SULF2: variants seen among roughly 807,000 people sequenced by gnomAD.
SULF2 encodes the protein sulfatase 2, also known as extracellular sulfatase Sulf-2.
Under a neutral mutation model 107.7 loss-of-function variants are expected in SULF2, and 52 were observed. That is an observed-to-expected ratio of 0.48 (90% CI 0.39 to 0.61). SULF2 has a LOEUF of 0.61. Ranked by LOEUF, SULF2 falls within the 20% of genes least tolerant of loss-of-function variation. SULF2 has a pLI of 0.00. For missense variants in SULF2, 993 were observed against 1,177.3 expected (o/e 0.84, Z 2.29); for synonymous variants, 460 against 464.3 (o/e 0.99, Z 0.12).
intron 3 of SULF2, among the ~76,000 whole-genome samples, chr20:47,724,801 C>G (rs1303326867): frequency 6.6e-6 from 1 of 152,198 alleles, no homozygotes; most frequent in Non-Finnish European, 1.5e-5. Flanking sequence ...TTGGAGGAAT[C>G]TGACACTACT....
chr20:47,669,093 G>C (rs1027249090), intron 11 of SULF2, among the ~76,000 whole-genome samples: 4 of 152,156 alleles, frequency 2.6e-5, no homozygotes, highest in African/African-American at 9.7e-5. Context: ...GTGGCCCTTT[G>C]TTCACTTGTT....
At chr20:47,747,846 A>G (rs1600640753) in intron 2 of SULF2, among the ~76,000 whole-genome samples, 1 of 149,926 alleles carries the variant, frequency 6.7e-6, no homozygotes. Flanking sequence ...CTCTTCCCTC[A>G]CCCACCCACT....
chr20:47,779,023 T>G (rs1369778660), intron 1 of SULF2, among the ~76,000 whole-genome samples: 1 of 152,094 alleles, frequency 6.6e-6, no homozygotes, highest in Non-Finnish European at 1.5e-5. Flanking sequence ...GGGGTTCATC[T>G]CAAACCCAAC....
At chr20:47,682,547 T>C (rs2087859873) in intron 7 of SULF2, among the ~76,000 whole-genome samples, 1 of 152,168 alleles carries the variant, frequency 6.6e-6, no homozygotes, top group South Asian at 2.1e-4. Flanking sequence ...CCAGGAAGGA[T>C]GGGAGGGAAG....
chr20:47,757,404 G>T lies in SULF2; in HGVS notation c.-41C>A. 5.9e-6 allele frequency: 9 copies of T among 1,534,962 alleles called. No homozygotes were observed. The highest frequency in any genetic ancestry group is 7.9e-6 in the Non-Finnish European group (9 of 1,133,524). ...ATCTGGTGCTTCTTTTGGGATGCGG[G>T]AGTCTCAAGTTGCGTCTGTGGCTTT... On this transcript the variant is annotated 5_prime_UTR_variant, in exon 2 of 21. Coordinates refer to ENST00000688720, the MANE Select transcript of SULF2 (RefSeq NM_001387048.1).
At chr20:47,785,281 G>GCGAGCCCCCGCC (rs2090904932) in intron 1 of SULF2, 62 bp downstream of exon 1, 1 of 146,300 alleles carries the variant, frequency 6.8e-6, no homozygotes, top group Non-Finnish European at 1.5e-5. Flanking sequence ...TCCGGCCGCC[G>GCGAGCCCCCGCC]CGAGCCCCCG....
At chr20:47,688,232 T>C (rs6063136) in intron 5 of SULF2, among the ~76,000 whole-genome samples, 21,285 of 152,172 alleles carry the variant, frequency 0.14, 1,833 homozygotes, top group East Asian at 0.29. Context: ...CCACCCCTTC[T>C]TGACTGTCAT....
intron 7 of SULF2, among the ~76,000 whole-genome samples, chr20:47,679,429 G>C (rs1190873312): frequency 6.6e-6 from 1 of 152,188 alleles, no homozygotes; most frequent in Non-Finnish European, 1.5e-5. Flanking sequence ...CCAACCAGTG[G>C]GTTGTGAAGG....
At chr20:47,733,764 C>T (rs751348501) in intron 3 of SULF2, among the ~76,000 whole-genome samples, 5 of 152,174 alleles carry the variant, frequency 3.3e-5, no homozygotes, top group Non-Finnish European at 5.9e-5. Context: ...CAGAGCAAGA[C>T]TCTGTCTCAG....
chr20:47,680,747 C>T lies in SULF2; in HGVS notation c.1065-1943G>A, dbSNP rs960140797. ...GCTGGGAAGACTGCTGAGCGACGGGCGCTCTGCAGAACCCAGCAACCGGCA... is the reference window on the plus strand; with the variant it reads ...GCTGGGAAGACTGCTGAGCGACGGGTGCTCTGCAGAACCCAGCAACCGGCA... On this transcript the variant is annotated intron_variant, in intron 7 of 20. Coordinates refer to ENST00000688720, the MANE Select transcript of SULF2 (RefSeq NM_001387048.1). The surrounding 1 kb of genome is among the most constrained non-coding windows in gnomAD (Gnocchi z 4.2). Among the ~76,000 whole-genome samples the T allele has an allele frequency of 6.6e-6, 1 of 152,198 alleles. No homozygotes were observed. Among genetic ancestry groups the T allele is most frequent in the Non-Finnish European group, 1.5e-5 (1 of 68,022 alleles).
chr20:47,658,181 G>A lies in SULF2; in HGVS notation c.*181C>T. On this transcript the variant is annotated 3_prime_UTR_variant, in exon 21 of 21. Transcript: ENST00000688720. ...CAGGGGCAAAAATGGACTTCCTGAA[G>A]TTATCTCTGCTCCTGCTGGTTATCC... 1 of 656,778 alleles carries A rather than the reference G, an allele frequency of 1.5e-6. No individual in the cohort carries two copies. The highest frequency in any genetic ancestry group is 2.7e-5 in the East Asian group (1 of 36,882). The allele number at this position is 656,778 out of a possible 1,614,324, so 40.7% of individuals were successfully genotyped here. A position where few individuals can be genotyped will look rare whatever the true frequency, so the allele number is the denominator to read the frequency against.
intron 3 of SULF2, among the ~76,000 whole-genome samples, chr20:47,730,614 C>A (rs2089571172): frequency 6.6e-6 from 1 of 152,108 alleles, no homozygotes; most frequent in Non-Finnish European, 1.5e-5. Context: ...CCACACTCAG[C>A]TAATTTTTGT....
In SULF2 at chr20:47,676,517, T is replaced by C. The variant is rs199558577; in HGVS notation, c.1357A>G (p.Thr453Ala). ...KDLCQRAEYQTACEQLGQKWQ... is the reference protein window; with the variant it reads ...KDLCQRAEYQAACEQLGQKWQ... ...ACCTGTCCCAGCTGCTCACACGCCG[T>C]CTGGTACTCAGCACGCTGACACAGG... Residue 453 changes from threonine (T) to alanine (A), a missense_variant, in exon 10 of 21, where the codon ACG (threonine) becomes GCG (alanine). Transcript: ENST00000688720. The C allele has an allele frequency of 1.9e-4, 312 of 1,606,338 alleles. No homozygotes were observed. Among genetic ancestry groups the C allele is most frequent in the Non-Finnish European group, 2.3e-4 (274 of 1,177,488 alleles).
chr20:47,702,384 G>A, intron 4 of SULF2, 135 bp downstream of exon 4: 5 of 941,660 alleles, frequency 5.3e-6, no homozygotes, highest in Non-Finnish European at 7.8e-6. Flanking sequence ...TGAGGAGGAG[G>A]TGTATGTAAA....
chr20:47,709,802 GAT>G (rs2088865962), intron 3 of SULF2, among the ~76,000 whole-genome samples: 1 of 151,934 alleles, frequency 6.6e-6, no homozygotes, highest in Admixed American at 6.6e-5. Flanking sequence ...AGGTGGGAAA[GAT>G]AGAGACAGAG....
intron 14 of SULF2, 120 bp from the exon 15 acceptor site, chr20:47,664,309 T>C: frequency 1.0e-6 from 1 of 988,792 alleles, no homozygotes; most frequent in Non-Finnish European, 1.5e-6. Flanking sequence ...TGTCCCTCCT[T>C]CTGGGGTGGT....
At chr20:47,712,857 A>T (rs1249802962) in intron 3 of SULF2, among the ~76,000 whole-genome samples, 1 of 152,136 alleles carries the variant, frequency 6.6e-6, no homozygotes, top group African/African-American at 2.4e-5. Context: ...AACACGGAGA[A>T]GCCCTGTCTC....
intron 2 of SULF2, among the ~76,000 whole-genome samples, chr20:47,737,714 G>A (rs1249768262): frequency 1.3e-5 from 2 of 150,178 alleles, no homozygotes; most frequent in Non-Finnish European, 3.0e-5. Flanking sequence ...CCCAGGCTTC[G>A]AGGTTTCGGT....
intron 5 of SULF2, 141 bp downstream of exon 5, chr20:47,689,985 G>A (rs757424524): frequency 2.4e-5 from 20 of 831,776 alleles, no homozygotes; most frequent in Non-Finnish European, 3.2e-5. Flanking sequence ...TGGACAAGCA[G>A]TATGTTCTTG....
Sources: allele counts gnomAD v4.1 joint callset (sites outside exome capture counted in the v4.1 genomes callset), GRCh38; gene constraint gnomAD v4.1.1; non-coding constraint Gnocchi (gnomAD v3.1); transcripts MANE v1.5; gene names NCBI Gene and HGNC (gene_info 2026-07-23, HGNC 2026-07-21).